ERCC6: variants seen among roughly 807,000 people sequenced by gnomAD.
ERCC6 encodes DNA excision repair protein ERCC-6.
In ERCC6, 116 loss-of-function variants were observed where a neutral mutation model predicts 158.7. The observed-to-expected ratio is 0.73, with a 90% confidence interval of 0.63 to 0.85. The LOEUF is 0.85. Ranked by LOEUF, ERCC6 falls within the 40% of genes least tolerant of loss-of-function variation. ERCC6 has a pLI of 0.00. For missense variants in ERCC6, 1,698 were observed against 1,799.4 expected (o/e 0.94, Z 1.02); for synonymous variants, 678 against 659.3 (o/e 1.03, Z -0.43).
intron 8 of ERCC6, among the ~76,000 whole-genome samples, chr10:49,485,602 C>A (rs951774897): frequency 2.6e-5 from 4 of 152,090 alleles, no homozygotes. Flanking sequence ...ACTAAAAATT[C>A]CACCCTGTCC....
downstream of ERCC6, among the ~76,000 whole-genome samples, chr10:49,452,677 G>C (rs1014387791): frequency 2.6e-5 from 4 of 152,024 alleles, no homozygotes; most frequent in East Asian, 7.7e-4. Context: ...ATAGGTTATG[G>C]AGTCTCCAAT....
Position 49,483,535 on chromosome 10 carries a change from G to A in ERCC6, c.1822-19C>T. On this transcript the variant is annotated intron_variant, in intron 8 of 20. Transcript: ENST00000355832. The stretch of plus-strand genomic sequence containing the variant: ...GTTTCTCCTGAGACCACAATAAAAT[G>A]GTAAAGTCAGTTTTAAATAAGAAGT... 1.2e-6 allele frequency: 2 copies of A among 1,612,964 alleles called. No homozygotes were observed. Among genetic ancestry groups the A allele is most frequent in the Non-Finnish European group, 1.7e-6 (2 of 1,179,480 alleles).
chr10:49,470,095 C>T, intron 18 of ERCC6, 87 bp downstream of exon 18: 1 of 1,152,642 alleles, frequency 8.7e-7, no homozygotes, highest in South Asian at 1.2e-5. Context: ...CCTCTATGCA[C>T]CATCAGTTAA....
In ERCC6 at chr10:49,456,134, C is replaced by A. The variant is rs552400537; in HGVS notation, c.*2681G>T. 7.2e-5 allele frequency: 11 copies of A among 152,276 alleles called. No homozygotes were observed. Among genetic ancestry groups the A allele is most frequent in the African/African-American group, 2.6e-4 (11 of 41,552 alleles). 9.4% of individuals were successfully genotyped at this position (152,276 alleles called of 1,614,324 possible). A position where few individuals can be genotyped will look rare whatever the true frequency, so the allele number is the denominator to read the frequency against. On this transcript the variant is annotated 3_prime_UTR_variant, in exon 21 of 21. Transcript: ENST00000355832. ...AAAGCAAACTAATTGCTATAATAGA[C>A]TTCAAAAGACAGTAGCTTAAGCAAG...
At chr10:49,488,727 G>A (rs982532798) in intron 8 of ERCC6, among the ~76,000 whole-genome samples, 20 of 151,290 alleles carry the variant, frequency 1.3e-4, no homozygotes, top group African/African-American at 4.9e-4. Context: ...CAGAAAACAG[G>A]CCCTTTTAAA....
the ERCC6 span, among the ~76,000 whole-genome samples, chr10:49,446,610 C>T: frequency 3.2e-3 from 484 of 152,118 alleles, no homozygotes; most frequent in Non-Finnish European, 5.2e-3. Context: ...CTCTGTCTCT[C>T]TGAAAAAATT....
At chr10:49,474,285 T>C in intron 12 of ERCC6, 43 bp from the exon 13 acceptor site, 1 of 1,486,052 alleles carries the variant, frequency 6.7e-7, no homozygotes, top group Non-Finnish European at 9.4e-7. Flanking sequence ...TGACCCCATG[T>C]AAAGTAAGAT....
At chr10:49,478,275 T>C (rs1850912864) in intron 11 of ERCC6, 79 bp downstream of exon 11, 1 of 1,018,216 alleles carries the variant, frequency 9.8e-7, no homozygotes, top group Non-Finnish European at 1.6e-6. Flanking sequence ...GACTCTCTCA[T>C]CCGCAGAGGA....
intron 5 of ERCC6, among the ~76,000 whole-genome samples, chr10:49,510,826 T>G (rs1303795668): frequency 6.6e-6 from 1 of 151,964 alleles, no homozygotes; most frequent in Non-Finnish European, 1.5e-5. Flanking sequence ...TCTGGAAACT[T>G]TCTGTTCTGT....
chr10:49,497,377 A>G (rs1364679830), intron 7 of ERCC6, among the ~76,000 whole-genome samples: 1 of 152,262 alleles, frequency 6.6e-6, no homozygotes, highest in African/African-American at 2.4e-5. Context: ...ACATTCAAAT[A>G]AGCATAAACA....
chr10:49,514,433 T>G (rs551015610), intron 5 of ERCC6, among the ~76,000 whole-genome samples: 1 of 152,172 alleles, frequency 6.6e-6, no homozygotes, highest in Non-Finnish European at 1.5e-5. Flanking sequence ...TATCAAATAT[T>G]AGTTGCCTGA....
Position 49,493,177 on chromosome 10 carries a change from C to A in ERCC6, c.1761G>T (p.Thr587=), listed in dbSNP as rs144608959. The part of the protein sequence containing the change: ...VMHQWVKEFH[T]WWPPFRVAIL... ...TTGCCACTCTGAACGGAGGCCACCA[C>A]GTGTGAAATTCCTTCACCCACTGAT... The change falls in exon 8 of 21, where the codon ACG becomes ACT. Residue 587 remains threonine (T), a synonymous_variant. Coordinates refer to ENST00000355832, the MANE Select transcript of ERCC6 (RefSeq NM_000124.4). 310 of 1,614,120 alleles carry A rather than the reference C, an allele frequency of 1.9e-4. No individual in the cohort carries two copies. The African/African-American group carries it at 3.4e-3, about 18-fold the overall frequency.
At chr10:49,443,736 T>C in the ERCC6 span, among the ~76,000 whole-genome samples, 1 of 152,220 alleles carries the variant, frequency 6.6e-6, no homozygotes. Context: ...GATACACAAA[T>C]ACCATTATGT....
At chr10:49,465,282 T>G (rs1414156709) in intron 18 of ERCC6, among the ~76,000 whole-genome samples, 1 of 152,240 alleles carries the variant, frequency 6.6e-6, no homozygotes, top group Non-Finnish European at 1.5e-5. Context: ...CCCTTTGTTT[T>G]GGTCAATTTC....
intron 11 of ERCC6, 127 bp downstream of exon 11, chr10:49,478,227 G>C: frequency 1.2e-6 from 1 of 804,088 alleles, no homozygotes; most frequent in Non-Finnish European, 2.2e-6. Flanking sequence ...GCCACAGCGG[G>C]CCTAGCCTGC....
In ERCC6 at chr10:49,506,388, C is replaced by T. The variant is rs546833790; in HGVS notation, c.1398-376G>A. The T allele has an allele frequency of 2.8e-5, 6 of 216,704 alleles. No individual in the cohort carries two copies. In the South Asian group the frequency reaches 4.2e-4, roughly 15 times the overall value. The allele number at this position is 216,704 out of a possible 1,614,324, so 13.4% of individuals were successfully genotyped here. On this transcript the variant is annotated intron_variant, in intron 5 of 20. Coordinates refer to ENST00000355832, the MANE Select transcript of ERCC6 (RefSeq NM_000124.4). ...CAATATAATTGAGTGTCTTCACAAC[C>T]GCAATACTATGTAACAAAAAATAGA...
At chr10:49,528,373 G>A (rs776550240) in intron 4 of ERCC6, 44 bp downstream of exon 4, 2 of 1,601,178 alleles carry the variant, frequency 1.2e-6, no homozygotes, top group Non-Finnish European at 1.7e-6. Flanking sequence ...CAGGCATCAG[G>A]CATCAATTCA....
At chr10:49,523,598 C>A (rs977183451) in intron 5 of ERCC6, among the ~76,000 whole-genome samples, 1 of 152,222 alleles carries the variant, frequency 6.6e-6, no homozygotes, top group African/African-American at 2.4e-5. Context: ...TAAGTTTCAG[C>A]TCTTTTTTGA....
In ERCC6 at chr10:49,470,789, A is replaced by C. The variant is rs1329864462; in HGVS notation, c.3171T>G (p.Pro1057=). 6.2e-7 allele frequency: 1 copy of C among 1,614,078 alleles called. No homozygotes were observed. The highest frequency in any genetic ancestry group is 1.3e-5 in the African/African-American group (1 of 74,944). ...DHDVPKRKKF[P]ASNISVNDAT... ...CATCATTTACAGATATGTTAGAAGC[A>C]GGGAACTTCTTGCGTTTTGGAACAT... is the stretch of plus-strand genomic sequence containing the variant. Residue 1057 remains proline, a synonymous_variant, in exon 18 of 21, where the codon CCT becomes CCG. Coordinates refer to ENST00000355832, the MANE Select transcript of ERCC6 (RefSeq NM_000124.4).
Sources: allele counts gnomAD v4.1 joint callset (sites outside exome capture counted in the v4.1 genomes callset), GRCh38; gene constraint gnomAD v4.1.1; transcripts MANE v1.5; gene names NCBI Gene and HGNC (gene_info 2026-07-23, HGNC 2026-07-21).